Variants in TYW1 observed in about 807,000 individuals in gnomAD.
TYW1 encodes S-adenosyl-L-methionine-dependent tRNA 4-demethylwyosine synthase TYW1.
In TYW1, 46 loss-of-function variants were observed where a neutral mutation model predicts 96.2. That is an observed-to-expected ratio of 0.48 (90% CI 0.38 to 0.61). The LOEUF (loss-of-function observed/expected upper bound fraction) is 0.61. Ranked by LOEUF, TYW1 falls within the 20% of genes least tolerant of loss-of-function variation. The pLI, the probability that TYW1 is intolerant of heterozygous loss-of-function variation, is 0.00. For synonymous variants in TYW1, 274 were observed against 323.0 expected (o/e 0.85, Z 1.63); for missense variants, 684 against 909.6 (o/e 0.75, Z 3.19).
chr7:67,055,267 G>C (rs1180520655), intron 8 of TYW1, among the ~76,000 whole-genome samples: 1 of 151,972 alleles, frequency 6.6e-6, no homozygotes, highest in Non-Finnish European at 1.5e-5. Context: ...TAGAGACAGA[G>C]AGGTTAAAAT....
intron 15 of TYW1, among the ~76,000 whole-genome samples, chr7:67,197,491 A>T (rs1800437401): frequency 1.3e-5 from 2 of 152,132 alleles, no homozygotes; most frequent in African/African-American, 4.8e-5. Flanking sequence ...ACACCCAGCT[A>T]ATTTTTGTGT....
chr7:67,178,035 G>A (rs1463952757), intron 13 of TYW1, among the ~76,000 whole-genome samples: 5 of 150,238 alleles, frequency 3.3e-5, no homozygotes, highest in Admixed American at 2.0e-4. Flanking sequence ...GTGGCAGCAT[G>A]TGCCTGTAGT....
At chr7:67,223,463 A>T (rs1352005580) in intron 15 of TYW1, among the ~76,000 whole-genome samples, 1 of 152,110 alleles carries the variant, frequency 6.6e-6, no homozygotes, top group South Asian at 2.1e-4. Flanking sequence ...CATGGTAACT[A>T]TAATTTCCCT....
intron 12 of TYW1, among the ~76,000 whole-genome samples, chr7:67,106,049 C>T (rs772148417): frequency 1.4e-4 from 21 of 151,972 alleles, no homozygotes; most frequent in Admixed American, 2.6e-4. Context: ...AGGCATTTGC[C>T]ACCACACCCG....
intron 10 of TYW1, among the ~76,000 whole-genome samples, chr7:67,072,772 G>A (rs1473149351): frequency 2.0e-5 from 3 of 151,626 alleles, no homozygotes; most frequent in Admixed American, 6.6e-5. Flanking sequence ...AAAATGATAT[G>A]GCCACAATAC....
chr7:67,024,925 G>C lies in TYW1; in HGVS notation c.887G>C (p.Ser296Thr), dbSNP rs748780204. 2 of 1,613,922 alleles carry C rather than the reference G, an allele frequency of 1.2e-6. No homozygotes were observed. Among genetic ancestry groups the C allele is most frequent in the South Asian group, 1.1e-5 (1 of 91,066 alleles). ...GAGGAAGAACCCTTTGAGAGCTCCA[G>C]TGAAGAAGAGTTTGGTGGTGAGGAC... ...TEEEEPFESSSEEEFGGEDHQ... is the reference protein window; with the variant it reads ...TEEEEPFESSTEEEFGGEDHQ... Residue 296 changes from serine to threonine, a missense_variant, in exon 7 of 16, where the codon AGT becomes ACT. Coordinates refer to ENST00000359626, the MANE Select transcript of TYW1 (RefSeq NM_018264.4).
At position 67,110,376 on chromosome 7, in the gene TYW1, G is replaced by A. The variant is rs146937573; in HGVS notation, c.1563-7107G>A. Among the ~76,000 whole-genome samples the A allele has an allele frequency of 7.2e-3, 1,099 of 152,216 alleles. 16 individuals are homozygous for A. Among genetic ancestry groups the A allele is most frequent in the African/African-American group, 0.025 (1,034 of 41,532 alleles). On this transcript the variant is annotated intron_variant, in intron 12 of 15. Coordinates refer to ENST00000359626, the MANE Select transcript of TYW1 (RefSeq NM_018264.4). Reference sequence around the variant, plus strand: ...AGCAGGCAGCGAAAACCAAGGCAGAGTTGCAAACTGCCTGCCTGGGTGATG... The same window carrying A: ...AGCAGGCAGCGAAAACCAAGGCAGAATTGCAAACTGCCTGCCTGGGTGATG...
intron 13 of TYW1, among the ~76,000 whole-genome samples, chr7:67,178,763 T>A (rs1018202077): frequency 1.3e-5 from 2 of 151,498 alleles, no homozygotes; most frequent in Non-Finnish European, 2.9e-5. Context: ...ATATTAGATA[T>A]TAGTCAGGTG....
At chr7:67,174,059 T>C (rs1313581714) in intron 13 of TYW1, among the ~76,000 whole-genome samples, 1 of 144,924 alleles carries the variant, frequency 6.9e-6, no homozygotes, top group Non-Finnish European at 1.5e-5. Flanking sequence ...AGAAGCTCTA[T>C]TGCACAGTGC....
intron 13 of TYW1, among the ~76,000 whole-genome samples, chr7:67,134,945 CAAAAAAA>C (rs55746054): frequency 1.5e-4 from 10 of 66,342 alleles, no homozygotes; most frequent in Non-Finnish European, 2.0e-4. Flanking sequence ...CTTTCTCTAC[CAAAAAAA>C]AAAAAAAAAA....
chr7:67,220,458 C>T (rs752537709), intron 15 of TYW1, among the ~76,000 whole-genome samples: 6 of 152,144 alleles, frequency 3.9e-5, no homozygotes, highest in Non-Finnish European at 5.9e-5. Context: ...CTGCCTTGGC[C>T]TCCCAAAGTG....
At chr7:67,200,748 T>C (rs1027828695) in intron 15 of TYW1, among the ~76,000 whole-genome samples, 9 of 152,180 alleles carry the variant, frequency 5.9e-5, no homozygotes, top group Non-Finnish European at 1.2e-4. Context: ...GGAATGGAGC[T>C]CAATGGGTGC....
chr7:67,136,361 T>C (rs1163726674), intron 13 of TYW1, among the ~76,000 whole-genome samples: 1 of 152,226 alleles, frequency 6.6e-6, no homozygotes, highest in African/African-American at 2.4e-5. Context: ...AAGATTTTCA[T>C]GGGTTAGCGT....
At chr7:67,120,784 C>A (rs1412737328) in intron 13 of TYW1, among the ~76,000 whole-genome samples, 1 of 152,158 alleles carries the variant, frequency 6.6e-6, no homozygotes, top group Admixed American at 6.5e-5. Flanking sequence ...TGAATTCTTA[C>A]CTCAAAGTCA....
chr7:67,142,139 A>G (rs1272336182), intron 13 of TYW1, among the ~76,000 whole-genome samples: 1 of 152,218 alleles, frequency 6.6e-6, no homozygotes, highest in Non-Finnish European at 1.5e-5. Flanking sequence ...TCTGTCGCCC[A>G]GGCTGGAGTG....
intron 13 of TYW1, among the ~76,000 whole-genome samples, chr7:67,176,157 C>T (rs2687048): frequency 6.6e-6 from 1 of 152,016 alleles, no homozygotes; most frequent in African/African-American, 2.4e-5. Context: ...AGAAAAGATA[C>T]TACCATAACA....
At chr7:67,026,413 G>A (rs768648742) in intron 7 of TYW1, among the ~76,000 whole-genome samples, 3 of 152,162 alleles carry the variant, frequency 2.0e-5, no homozygotes, top group Admixed American at 6.6e-5. Context: ...TTAAACCTAC[G>A]TTGGAAAACT....
rs1249719231 is a variant in TYW1, at chr7:67,238,965, C to T, written c.*436C>T. The T allele has an allele frequency of 1.0e-6, 1 of 997,346 alleles. No individual in the cohort carries two copies. The highest frequency in any genetic ancestry group is 1.2e-6 in the Non-Finnish European group (1 of 835,402). 61.8% of individuals were successfully genotyped at this position (997,346 alleles called of 1,614,324 possible). ...TTGAATTGCACTACCCTGAGCTAAA[C>T]GTGTCTGTGCTTTCTAAGATAAGAG... On this transcript the variant is annotated 3_prime_UTR_variant, in exon 16 of 16. Coordinates refer to ENST00000359626, the MANE Select transcript of TYW1 (RefSeq NM_018264.4).
intron 7 of TYW1, among the ~76,000 whole-genome samples, chr7:67,040,061 G>T (rs1203098370): frequency 1.3e-5 from 2 of 151,706 alleles, no homozygotes; most frequent in East Asian, 1.9e-4. Flanking sequence ...GGTTCAAGCA[G>T]TTCTCCCATC....
Sources: gnomAD v4.1 joint callset for allele counts (sites outside exome capture counted in the v4.1 genomes callset) on GRCh38, gnomAD v4.1.1 for gene constraint, MANE v1.5 for transcripts, NCBI Gene and HGNC (gene_info 2026-07-23, HGNC 2026-07-21) for gene names.